The following SEC23B variants were observed in gnomAD, a reference collection of about 807,000 sequenced individuals.
The protein encoded by SEC23B is protein transport protein Sec23B.
A neutral mutation model predicts 104.3 loss-of-function variants in SEC23B; 77 were observed. The observed-to-expected ratio is 0.74, with a 90% confidence interval of 0.61 to 0.89. The LOEUF is 0.89. SEC23B is among the 40% of genes least tolerant of loss of function. SEC23B has a pLI of 0.00. For synonymous variants in SEC23B, 338 were observed against 332.5 expected, an observed-to-expected ratio of 1.02 and a Z score of -0.18; for missense variants, 885 against 949.4, an observed-to-expected ratio of 0.93 and a Z score of 0.89.
chr20:18,513,108 C>T (rs1199741304), intron 3 of SEC23B, among the ~76,000 whole-genome samples: 10 of 152,204 alleles, frequency 6.6e-5, no homozygotes, highest in South Asian at 6.2e-4. Flanking sequence ...CGCTTGAACC[C>T]GGGAGGCGGA....
At position 18,546,036 on chromosome 20, in the gene SEC23B, A is replaced by C. The variant is rs767072439; in HGVS notation, c.1743+3A>C. On this transcript the variant is annotated splice_donor_region_variant and intron_variant, in intron 15 of 19. Transcript: ENST00000650089. The stretch of plus-strand genomic sequence containing the variant: ...ATTCCTTTTCTCTATATCCTCAGGT[A>C]AGTAATGTATGTTTCTAAAATAACT... 2.8e-6 allele frequency: 4 copies of C among 1,439,518 alleles called. No homozygotes were observed. Among genetic ancestry groups the C allele is most frequent in the Non-Finnish European group, 2.9e-6 (3 of 1,020,778 alleles). The allele number at this position is 1,439,518 out of a possible 1,614,324, so 89.2% of individuals were successfully genotyped here. A position where few individuals can be genotyped will look rare whatever the true frequency, so the allele number is the denominator to read the frequency against.
At chr20:18,511,144 C>A in intron 2 of SEC23B, 88 bp downstream of exon 2, 1 of 1,120,460 alleles carries the variant, frequency 8.9e-7, no homozygotes, top group Non-Finnish European at 1.4e-6. Context: ...TAAATTTGGG[C>A]AGGTCATCAA....
chr20:18,522,682 C>G (rs2060095020), intron 4 of SEC23B, among the ~76,000 whole-genome samples: 1 of 117,954 alleles, frequency 8.5e-6, no homozygotes, highest in South Asian at 3.3e-4. Flanking sequence ...ACCAAACAGG[C>G]TTTGTGTGAG....
intron 19 of SEC23B, among the ~76,000 whole-genome samples, 167 bp downstream of exon 19, chr20:18,555,340 T>C (rs547828828): frequency 2.0e-5 from 3 of 152,068 alleles, no homozygotes; most frequent in Non-Finnish European, 4.4e-5. Flanking sequence ...ATAACATTAC[T>C]GGGCCGGAGG....
intron 1 of SEC23B, among the ~76,000 whole-genome samples, chr20:18,510,443 C>T (rs1050532782): frequency 2.0e-5 from 3 of 152,228 alleles, no homozygotes; most frequent in Non-Finnish European, 2.9e-5. Context: ...TCTACAGCAA[C>T]AGGTTCTTCC....
intron 3 of SEC23B, among the ~76,000 whole-genome samples, chr20:18,514,131 T>C (rs1184848159): frequency 6.6e-6 from 1 of 152,218 alleles, no homozygotes; most frequent in Non-Finnish European, 1.5e-5. Flanking sequence ...GATCTGCAAG[T>C]CTATGTGTCC....
At chr20:18,530,616 G>A in intron 9 of SEC23B, 64 bp from the exon 10 acceptor site, 1 of 1,576,180 alleles carries the variant, frequency 6.3e-7, no homozygotes, top group South Asian at 1.2e-5. Flanking sequence ...TGTAAATACT[G>A]AGGGAGCATC....
At chr20:18,526,243 A>G (rs2060132889) in intron 7 of SEC23B, 130 bp from the exon 8 acceptor site, 1 of 1,044,588 alleles carries the variant, frequency 9.6e-7, no homozygotes, top group Non-Finnish European at 1.5e-6. Context: ...CATCTGTATT[A>G]TTCTGCATTA....
intron 14 of SEC23B, 99 bp downstream of exon 14, chr20:18,543,271 G>T (rs759305304): frequency 6.8e-7 from 1 of 1,460,040 alleles, no homozygotes; most frequent in East Asian, 2.3e-5. Context: ...GAATCAGCAA[G>T]AATTTATCAG....
Position 18,542,343 on chromosome 20 carries a change from C to T in SEC23B, c.1452C>T (p.Val484=), listed in dbSNP as rs761632773. Residue 484 remains valine, a synonymous_variant, in exon 13 of 20, where the codon GTC becomes GTT. Transcript: ENST00000650089. The part of the protein sequence containing the change: ...PQGGRGAIQF[V]THYQHSSTQR... ...GAGGCAGAGGAGCCATCCAGTTTGT[C>T]ACGCATTATCAGCACTCCAGCACCC... is the stretch of plus-strand genomic sequence containing the variant. 7 of 1,614,238 alleles carry T rather than the reference C, an allele frequency of 4.3e-6. No homozygotes were observed. The highest frequency in any genetic ancestry group is 4.2e-6 in the Non-Finnish European group (5 of 1,180,046).
chr20:18,556,864 C>T (rs2122184014), intron 19 of SEC23B, among the ~76,000 whole-genome samples: 1 of 152,306 alleles, frequency 6.6e-6, no homozygotes, highest in East Asian at 1.9e-4. Flanking sequence ...GGTGTGGTGG[C>T]ATGCGCCTGT....
chr20:18,546,304 ATC>A (rs1568619999), intron 15 of SEC23B, among the ~76,000 whole-genome samples: 14 of 152,328 alleles, frequency 9.2e-5, no homozygotes, highest in Non-Finnish European at 1.5e-5. Context: ...CGTAAAAAAT[ATC>A]TCTCATGTGT....
At chr20:18,557,014 A>C (rs759158276) in intron 19 of SEC23B, among the ~76,000 whole-genome samples, 5 of 152,140 alleles carry the variant, frequency 3.3e-5, no homozygotes, top group Non-Finnish European at 5.9e-5. Context: ...AAAAGAAGTG[A>C]ATTTATTATA....
rs369876105 is a variant in SEC23B at position 18,534,275 on chromosome 20, A to C, written c.1315-1378A>C. Among the ~76,000 whole-genome samples the C allele has an allele frequency of 1.6e-3, 249 of 152,310 alleles. 2 individuals carry two copies. The highest frequency in any genetic ancestry group is 5.6e-3 in the African/African-American group (231 of 41,564). ...CTACCACGATGTCATTATCAAACTTAAGAAAATAATAATTTCCTAATATCT... is the reference window on the plus strand; with the variant it reads ...CTACCACGATGTCATTATCAAACTTCAGAAAATAATAATTTCCTAATATCT... On this transcript the variant is annotated intron_variant, in intron 11 of 19. Coordinates refer to ENST00000650089, the MANE Select transcript of SEC23B (RefSeq NM_006363.6).
At chr20:18,519,465 A>G (rs923690244) in intron 4 of SEC23B, among the ~76,000 whole-genome samples, 1 of 150,918 alleles carries the variant, frequency 6.6e-6, no homozygotes, top group Non-Finnish European at 1.5e-5. Context: ...TTAGGGCGGC[A>G]GCAGCTGCCG....
intron 12 of SEC23B, among the ~76,000 whole-genome samples, chr20:18,537,880 T>C (rs2148911112): frequency 6.6e-6 from 1 of 152,254 alleles, no homozygotes; most frequent in South Asian, 2.1e-4. Flanking sequence ...TGTTGTTGGC[T>C]GCTGACTGAT....
chr20:18,510,099 G>A (rs2059968503), intron 1 of SEC23B, among the ~76,000 whole-genome samples: 2 of 150,784 alleles, frequency 1.3e-5, no homozygotes, highest in Admixed American at 1.3e-4. Flanking sequence ...CCCCGCTACT[G>A]AAAAAAAAAT....
intron 14 of SEC23B, among the ~76,000 whole-genome samples, chr20:18,544,441 G>T (rs763837781): frequency 2.6e-5 from 4 of 152,210 alleles, no homozygotes; most frequent in Admixed American, 6.5e-5. Context: ...TTTTATTACA[G>T]AATTAATTGG....
At chr20:18,517,454 A>G (rs997791462) in intron 4 of SEC23B, among the ~76,000 whole-genome samples, 5 of 151,934 alleles carry the variant, frequency 3.3e-5, no homozygotes, top group African/African-American at 7.3e-5. Context: ...GGCTATTTTC[A>G]CTTCTTTTGT....
Sources: allele counts gnomAD v4.1 joint callset (sites outside exome capture counted in the v4.1 genomes callset), GRCh38; gene constraint gnomAD v4.1.1; transcripts MANE v1.5; gene names NCBI Gene and HGNC (gene_info 2026-07-23, HGNC 2026-07-21).